OLFM3: variants seen among roughly 807,000 people sequenced by gnomAD.
The protein encoded by OLFM3 is olfactomedin 3.
A neutral mutation model predicts 48.6 loss-of-function variants in OLFM3; 20 were observed. The observed-to-expected ratio is 0.41, with a 90% CI of 0.29 to 0.60. The LOEUF is 0.60. OLFM3 is among the 20% of genes least tolerant of loss of function. The pLI is 0.28. For missense variants in OLFM3, 437 were observed against 544.3 expected, an observed-to-expected ratio of 0.80 and a Z score of 1.96; for synonymous variants, 222 against 198.1, an observed-to-expected ratio of 1.12 and a Z score of -1.01.
At chr1:101,862,429 A>G (rs1656695131) in intron 1 of OLFM3, among the ~76,000 whole-genome samples, 1 of 152,246 alleles carries the variant, frequency 6.6e-6, no homozygotes. Flanking sequence ...CACAGTGCTT[A>G]TCTTATAAGC....
intron 1 of OLFM3, among the ~76,000 whole-genome samples, chr1:101,955,120 T>C (rs568357895): frequency 1.3e-5 from 2 of 152,138 alleles, no homozygotes; most frequent in South Asian, 2.1e-4. Context: ...GTTTGTAAGA[T>C]AGAATGTTAA....
chr1:101,944,797 T>G (rs188567124), intron 1 of OLFM3, among the ~76,000 whole-genome samples: 1 of 151,936 alleles, frequency 6.6e-6, no homozygotes, highest in African/African-American at 2.4e-5. Context: ...GGAGAATTGC[T>G]TGAACCCAGA....
At chr1:101,977,970 G>T (rs1013850588) in intron 1 of OLFM3, among the ~76,000 whole-genome samples, 1 of 152,122 alleles carries the variant, frequency 6.6e-6, no homozygotes, top group African/African-American at 2.4e-5. Context: ...TGAGTAAGAT[G>T]AACTGAATAA....
intron 1 of OLFM3, among the ~76,000 whole-genome samples, chr1:101,921,601 G>A (rs1359869863): frequency 1.3e-5 from 2 of 152,092 alleles, no homozygotes; most frequent in African/African-American, 2.4e-5. Context: ...AAGTCTTAGA[G>A]TTCTATCCTC....
chr1:101,988,050 C>T (rs1490004223), intron 1 of OLFM3, among the ~76,000 whole-genome samples: 12 of 151,828 alleles, frequency 7.9e-5, no homozygotes, highest in Admixed American at 6.6e-4. Flanking sequence ...AAAATGGAGG[C>T]AATATGGCTT....
At chr1:101,940,294 G>A (rs1267504243) in intron 1 of OLFM3, among the ~76,000 whole-genome samples, 6 of 150,820 alleles carry the variant, frequency 4.0e-5, no homozygotes, top group Non-Finnish European at 8.8e-5. Context: ...AACCACAATA[G>A]AGCTGTGCTA....
chr1:101,871,274 A>G (rs2100976523), intron 1 of OLFM3, among the ~76,000 whole-genome samples: 1 of 152,270 alleles, frequency 6.6e-6, no homozygotes, highest in South Asian at 2.1e-4. Flanking sequence ...CTCAAGTAGA[A>G]TAACAAAATG....
intron 1 of OLFM3, among the ~76,000 whole-genome samples, chr1:101,853,762 G>A (rs1258208277): frequency 6.6e-6 from 1 of 152,082 alleles, no homozygotes; most frequent in Admixed American, 6.6e-5. Context: ...TGTTTTGCAT[G>A]TATGTTTTTA....
At chr1:101,900,337 T>C (rs1309802356) in intron 1 of OLFM3, among the ~76,000 whole-genome samples, 1 of 152,134 alleles carries the variant, frequency 6.6e-6, no homozygotes, top group African/African-American at 2.4e-5. Flanking sequence ...TTAATGAGCC[T>C]GCAAGCCCTT....
At chr1:101,975,562 A>G (rs963410166) in intron 1 of OLFM3, among the ~76,000 whole-genome samples, 1 of 152,130 alleles carries the variant, frequency 6.6e-6, no homozygotes, top group Non-Finnish European at 1.5e-5. Context: ...CTGCCAAAAT[A>G]TCAATGTTTT....
At chr1:101,823,167 C>T (rs1654689470) in intron 4 of OLFM3, among the ~76,000 whole-genome samples, 1 of 151,936 alleles carries the variant, frequency 6.6e-6, no homozygotes, top group Non-Finnish European at 1.5e-5. Context: ...GTAGAGTGAA[C>T]ATGATAGACA....
chr1:101,970,174 C>T (rs1423632865), intron 1 of OLFM3, among the ~76,000 whole-genome samples: 1 of 151,816 alleles, frequency 6.6e-6, no homozygotes, highest in African/African-American at 2.4e-5. Flanking sequence ...CACTACCACA[C>T]CCCGCTAATT....
intron 1 of OLFM3, among the ~76,000 whole-genome samples, chr1:101,941,426 G>A (rs1659792430): frequency 6.6e-6 from 1 of 152,086 alleles, no homozygotes. Flanking sequence ...CCAGCAGAGA[G>A]GTCATTTTTA....
At chr1:101,807,149 A>T (rs77869754) in intron 4 of OLFM3, among the ~76,000 whole-genome samples, 1 of 151,734 alleles carries the variant, frequency 6.6e-6, no homozygotes, top group East Asian at 1.9e-4. Context: ...TTAGGGATAC[A>T]TGTGCAGGTT....
At chr1:101,878,423 T>C (rs1419321829) in intron 1 of OLFM3, among the ~76,000 whole-genome samples, 1 of 151,942 alleles carries the variant, frequency 6.6e-6, no homozygotes, top group Non-Finnish European at 1.5e-5. Context: ...TCATATATGT[T>C]GGGTCACCCA....
rs562335522 is a variant in OLFM3 at position 101,948,615 on chromosome 1, G to A, written c.69+48133C>T. Among the ~76,000 whole-genome samples the A allele has an allele frequency of 4.7e-4, 71 of 151,818 alleles. 1 individual carries two copies. In the East Asian group the frequency reaches 0.012, roughly 26 times the overall value. On this transcript the variant is annotated intron_variant, in intron 1 of 5. Coordinates refer to ENST00000370103, the MANE Select transcript of OLFM3 (RefSeq NM_058170.4). The stretch of plus-strand genomic sequence containing the variant: ...CATTCAATGTTCACATTTCACTTTT[G>A]TTTTCTAAATTTTTGTCTAAATAAG...
chr1:101,978,520 A>C (rs572642439), intron 1 of OLFM3, among the ~76,000 whole-genome samples: 23 of 152,316 alleles, frequency 1.5e-4, no homozygotes, highest in Admixed American at 5.2e-4. Flanking sequence ...TTGTAGAATT[A>C]TCTTAGGTTA....
chr1:101,933,832 A>T (rs909769557), intron 1 of OLFM3, among the ~76,000 whole-genome samples: 1 of 152,198 alleles, frequency 6.6e-6, no homozygotes, highest in African/African-American at 2.4e-5. Flanking sequence ...AGAAAAAAAA[A>T]ATCCGAAGAA....
At chr1:101,990,013 T>C (rs1661355656) in intron 1 of OLFM3, among the ~76,000 whole-genome samples, 1 of 152,176 alleles carries the variant, frequency 6.6e-6, no homozygotes, top group Non-Finnish European at 1.5e-5. Flanking sequence ...TAAAAAACAG[T>C]TTTATCTGTT....
Sources: allele counts gnomAD v4.1 joint callset (sites outside exome capture counted in the v4.1 genomes callset), GRCh38; gene constraint gnomAD v4.1.1; transcripts MANE v1.5; gene names NCBI Gene and HGNC (gene_info 2026-07-23, HGNC 2026-07-21).